Variants in CHL1 observed in about 807,000 individuals in gnomAD.
CHL1 encodes neural cell adhesion molecule L1-like protein.
In CHL1, 96 loss-of-function variants were observed where a neutral mutation model predicts 141.9. That is an observed-to-expected ratio of 0.68 (90% CI 0.57 to 0.80). The LOEUF (loss-of-function observed/expected upper bound fraction) is 0.80, where lower values mean the gene tolerates loss of function less well. CHL1 is among the 30% of genes least tolerant of loss of function. The probability of loss-of-function intolerance (pLI) is 0.00; values close to 1 mark genes in which losing one functional copy is unlikely to be tolerated. For missense variants in CHL1, 1,820 were observed against 1,457.2 expected, an observed-to-expected ratio of 1.25 and a Z score of -4.05; for synonymous variants, 613 against 502.2, an observed-to-expected ratio of 1.22 and a Z score of -2.95.
chr3:302,650 G>A (rs116199144), intron 2 of CHL1, among the ~76,000 whole-genome samples: 183 of 152,078 alleles, frequency 1.2e-3, no homozygotes, highest in African/African-American at 3.8e-3. Flanking sequence ...ATAGGTCTTC[G>A]TCAGATGGAT....
At chr3:228,219 C>T (rs1223096312) in intron 1 of CHL1, among the ~76,000 whole-genome samples, 1 of 152,098 alleles carries the variant, frequency 6.6e-6, no homozygotes, top group Non-Finnish European at 1.5e-5. Context: ...ATTAAGTGTG[C>T]AATGAAAACA....
intron 1 of CHL1, among the ~76,000 whole-genome samples, chr3:234,044 AT>A (rs1691679429): frequency 6.6e-6 from 1 of 152,084 alleles, no homozygotes; most frequent in Admixed American, 6.6e-5. Flanking sequence ...ATTTTTACGT[AT>A]GTAATGTATT....
intron 1 of CHL1, among the ~76,000 whole-genome samples, chr3:212,076 A>G (rs762189225): frequency 8.3e-4 from 126 of 152,162 alleles, no homozygotes; most frequent in Non-Finnish European, 1.1e-3. Flanking sequence ...ACATAACCTA[A>G]AATGTTATAT....
At chr3:400,759 G>A (rs926130450) in intron 26 of CHL1, among the ~76,000 whole-genome samples, 12 of 151,822 alleles carry the variant, frequency 7.9e-5, no homozygotes, top group Non-Finnish European at 1.3e-4. Context: ...CCGAGATCAC[G>A]CCTCTGCACT....
intron 2 of CHL1, among the ~76,000 whole-genome samples, chr3:311,304 C>G (rs976512909): frequency 6.6e-6 from 1 of 151,760 alleles, no homozygotes; most frequent in Non-Finnish European, 1.5e-5. Flanking sequence ...AAACTGTACT[C>G]CATTGTGACT....
rs200323012 is a variant in CHL1, at chr3:294,880, T to G, written c.-94-24803T>G. 1.1e-4 allele frequency among the ~76,000 whole-genome samples: 16 copies of G among 152,358 alleles called. No individual in the cohort carries two copies. The East Asian group carries it at 2.9e-3, about 28-fold the overall frequency. ...TAGTTACATGTCATTAATTTATTCC[T>G]TTTATTCATTTAACAAATATTTATT... is the stretch of plus-strand genomic sequence containing the variant. On this transcript the variant is annotated intron_variant, in intron 2 of 27. Coordinates refer to ENST00000256509, the MANE Select transcript of CHL1 (RefSeq NM_006614.4).
intron 23 of CHL1, among the ~76,000 whole-genome samples, chr3:393,786 G>C (rs543820874): frequency 6.6e-6 from 1 of 152,098 alleles, no homozygotes; most frequent in Non-Finnish European, 1.5e-5. Context: ...CTAAAAAAGT[G>C]ATGATTTCAC....
intron 1 of CHL1, among the ~76,000 whole-genome samples, chr3:227,528 G>C (rs1265210226): frequency 6.6e-6 from 1 of 152,146 alleles, no homozygotes; most frequent in Non-Finnish European, 1.5e-5. Context: ...TGCATGTGGA[G>C]AACAAATACA....
At chr3:288,685 T>G (rs1176409902) in intron 2 of CHL1, among the ~76,000 whole-genome samples, 1 of 152,186 alleles carries the variant, frequency 6.6e-6, no homozygotes, top group Admixed American at 6.5e-5. Flanking sequence ...TTCTGACGAA[T>G]GGCATGGGCG....
At chr3:348,900 G>A (rs1702995234) in intron 9 of CHL1, among the ~76,000 whole-genome samples, 1 of 152,210 alleles carries the variant, frequency 6.6e-6, no homozygotes, top group East Asian at 1.9e-4. Flanking sequence ...GATTAAAAGG[G>A]AAACTTCTCT....
At chr3:362,282 T>A (rs1382532094) in intron 13 of CHL1, among the ~76,000 whole-genome samples, 1 of 152,192 alleles carries the variant, frequency 6.6e-6, no homozygotes, top group African/African-American at 2.4e-5. Flanking sequence ...ATTATCAATA[T>A]GGATCTACCT....
chr3:236,206 T>C (rs13091420), intron 1 of CHL1, among the ~76,000 whole-genome samples: 77,098 of 151,990 alleles, frequency 0.51, 21,170 homozygotes, highest in Non-Finnish European at 0.61. Context: ...ATATCCACAT[T>C]CGACTGCAGA....
chr3:236,250 G>C (rs1455400090), intron 1 of CHL1, among the ~76,000 whole-genome samples: 1 of 152,294 alleles, frequency 6.6e-6, no homozygotes, highest in East Asian at 1.9e-4. Flanking sequence ...TTCCCAAAGT[G>C]ACACAGCTAG....
At chr3:338,723 C>T (rs554064856) in intron 5 of CHL1, among the ~76,000 whole-genome samples, 1 of 152,294 alleles carries the variant, frequency 6.6e-6, no homozygotes, top group South Asian at 2.1e-4. Context: ...AGATTTATGG[C>T]ACGCGATAGC....
chr3:348,945 A>C (rs1702998824), intron 9 of CHL1, among the ~76,000 whole-genome samples: 1 of 152,256 alleles, frequency 6.6e-6, no homozygotes, highest in Non-Finnish European at 1.5e-5. Flanking sequence ...ACTGTGTTTT[A>C]CACAAACAGG....
rs748122710 is a variant in CHL1 at position 363,278 on chromosome 3, A to G, written c.1480A>G (p.Thr494Ala). 1 of 1,613,736 alleles carries G rather than the reference A, an allele frequency of 6.2e-7. No individual in the cohort carries two copies. The highest frequency in any genetic ancestry group is 2.2e-5 in the East Asian group (1 of 44,870). ...GRRYHIYENG[T>A]LQINRTTEED... ...GCGGTATCATATCTATGAAAATGGC[A>G]CATTGCAGATCAACAGAACCACCGA... is the stretch of plus-strand genomic sequence containing the variant. The change falls in exon 14 of 28, where the codon ACA becomes GCA. Residue 494 changes from threonine to alanine, a missense_variant. By Grantham distance (58) the Thr-to-Ala change is moderately conservative. Coordinates refer to ENST00000256509, the MANE Select transcript of CHL1 (RefSeq NM_006614.4).
intron 19 of CHL1, among the ~76,000 whole-genome samples, chr3:385,279 C>T (rs1308350279): frequency 5.3e-5 from 8 of 152,082 alleles, no homozygotes; most frequent in African/African-American, 1.4e-4. Flanking sequence ...GTAACATTAG[C>T]TCATTAATCC....
intron 15 of CHL1, among the ~76,000 whole-genome samples, chr3:374,733 C>A (rs1020594304): frequency 6.6e-6 from 1 of 152,178 alleles, no homozygotes; most frequent in Non-Finnish European, 1.5e-5. Flanking sequence ...TGCTGGCTGG[C>A]CTTGACTGCT....
chr3:363,448 C>G (rs1704491748), intron 14 of CHL1, 65 bp downstream of exon 14: 2 of 1,398,628 alleles, frequency 1.4e-6, no homozygotes, highest in South Asian at 1.3e-5. Context: ...TTCATTTGCC[C>G]AAATGGAATA....
Sources: gnomAD v4.1 joint callset for allele counts (sites outside exome capture counted in the v4.1 genomes callset) on GRCh38, gnomAD v4.1.1 for gene constraint, MANE v1.5 for transcripts, NCBI Gene and HGNC (gene_info 2026-07-23, HGNC 2026-07-21) for gene names.